The following ISLR2 variants were observed in gnomAD, a reference collection of about 807,000 sequenced individuals.
ISLR2 encodes the protein immunoglobulin superfamily containing leucine-rich repeat protein 2.
Under a neutral mutation model 25.5 loss-of-function variants are expected in ISLR2, and 16 were observed. The ratio of observed to expected loss-of-function variants is 0.63; its 90% CI spans 0.43 to 0.95. The LOEUF (loss-of-function observed/expected upper bound fraction) is 0.95, where lower values mean the gene tolerates loss of function less well. Ranked by LOEUF, ISLR2 falls within the 40% of genes least tolerant of loss-of-function variation. The probability of loss-of-function intolerance (pLI) is 0.00; values close to 1 mark genes in which losing one functional copy is unlikely to be tolerated. For missense variants in ISLR2, 883 were observed against 1,030.7 expected (o/e 0.86, Z 1.96); for synonymous variants, 508 against 486.6 (o/e 1.04, Z -0.58).
chr15:74,134,304 G>C lies in ISLR2; in HGVS notation c.1550G>C (p.Gly517Ala). 3 of 1,528,328 alleles carry C rather than the reference G, an allele frequency of 2.0e-6. No individual in the cohort carries two copies. Among genetic ancestry groups the C allele is most frequent in the Non-Finnish European group, 2.6e-6 (3 of 1,139,606 alleles). 94.7% of individuals were successfully genotyped at this position (1,528,328 alleles called of 1,614,324 possible). A position where few individuals can be genotyped will look rare whatever the true frequency, so the allele number is the denominator to read the frequency against. Residue 517 changes from glycine to alanine, a missense_variant, in exon 3 of 3, where the codon GGC (glycine) becomes GCC (alanine). By Grantham distance (60) the Gly-to-Ala change is moderately conservative. Coordinates refer to ENST00000453268, the MANE Select transcript of ISLR2 (RefSeq NM_020851.3). ...TGGGGCCCTGGGCCCGGCGGGGCTG[G>C]CGGAGCCCCGCGACCCGGGCGGCGA... Reference protein sequence around the residue: ...ARWGPGPGGAGGAPRPGRRPL... With the variant: ...ARWGPGPGGAAGAPRPGRRPL...
upstream of ISLR2, among the ~76,000 whole-genome samples, chr15:74,124,572 A>T (rs1047206283): frequency 6.6e-6 from 1 of 152,150 alleles, no homozygotes; most frequent in Non-Finnish European, 1.5e-5. Context: ...CAGCCTAGCC[A>T]ACATGGTGAA....
At chr15:74,121,106 CCCCAT>C in intron 2 of ISLR2, among the ~76,000 whole-genome samples, 1 of 152,064 alleles carries the variant, frequency 6.6e-6, no homozygotes, top group Non-Finnish European at 1.5e-5. Context: ...GTGCCTTTGT[CCCCAT>C]CTCTCCAAGC....
In ISLR2 at chr15:74,136,737, G is replaced by C. The variant is rs1051406863; in HGVS notation, c.*1745G>C. The C allele has an allele frequency of 6.0e-6, 1 of 167,150 alleles. No individual in the cohort carries two copies. The allele number at this position is 167,150 out of a possible 1,614,324, so 10.4% of individuals were successfully genotyped here. A position where few individuals can be genotyped will look rare whatever the true frequency, so the allele number is the denominator to read the frequency against. On this transcript the variant is annotated 3_prime_UTR_variant, in exon 3 of 3. Coordinates refer to ENST00000453268, the MANE Select transcript of ISLR2 (RefSeq NM_020851.3). ...ACAAGCGCGGGCCTGGGACGGAGTA[G>C]CCCCCCGGAGCCCGTGCCCTTTTCT...
downstream of ISLR2, among the ~76,000 whole-genome samples, chr15:74,138,715 G>A (rs2141969905): frequency 6.6e-6 from 1 of 152,270 alleles, no homozygotes; most frequent in South Asian, 2.1e-4. Context: ...CCCTTCTGAG[G>A]GCCACAGCCT....
chr15:74,140,465 A>G (rs2072605529), downstream of ISLR2, among the ~76,000 whole-genome samples: 1 of 152,176 alleles, frequency 6.6e-6, no homozygotes, highest in African/African-American at 2.4e-5. Flanking sequence ...GTTATGAGAC[A>G]TTCCATAGGG....
intron 2 of ISLR2, among the ~76,000 whole-genome samples, chr15:74,115,937 C>G (rs2072207052): frequency 2.0e-5 from 3 of 149,306 alleles, no homozygotes; most frequent in Middle Eastern, 3.3e-3. Flanking sequence ...GTGGCTCACA[C>G]CAGTAATCCC....
At chr15:74,127,822 G>T (rs2072318985), upstream of ISLR2, 2 of 152,306 alleles carry the variant, frequency 1.3e-5, no homozygotes, top group African/African-American at 4.8e-5. Context: ...CCGGGTTCGC[G>T]ACGTTGAAGT....
In ISLR2 at chr15:74,133,226, C is replaced by A. The variant is rs1173283343; in HGVS notation, c.472C>A (p.Arg158=). The A allele has an allele frequency of 1.9e-6, 3 of 1,612,656 alleles. No individual in the cohort carries two copies. The highest frequency in any genetic ancestry group is 2.7e-5 in the African/African-American group (2 of 74,960). Residue 158 remains arginine, a synonymous_variant, in exon 3 of 3, where the codon CGG becomes AGG. Transcript: ENST00000453268. ...GCGTTCCCTGCGCATCAACAACAAC[C>A]GGCTGCGTACGCTGGCGCCTGGCAC... ...DLRSLRINNN[R]LRTLAPGTFD... is the part of the protein sequence containing the mutation.
At chr15:74,100,375 CG>C (rs2072075149) in exon 1 of ISLR2, 1 of 1,189,542 alleles carries the variant, frequency 8.4e-7, no homozygotes, top group South Asian at 3.7e-5. Context: ...GAAATGCTGG[CG>C]TCTGCTCCTC....
intron 2 of ISLR2, among the ~76,000 whole-genome samples, chr15:74,109,155 T>C (rs1042618814): frequency 5.3e-5 from 8 of 152,218 alleles, no homozygotes; most frequent in Non-Finnish European, 8.8e-5. Context: ...TCTGACTTTT[T>C]TTCTCATGTA....
rs1409390043 is a variant in ISLR2 at position 74,102,043 on chromosome 15, G to A, written n.159+1574G>A. Among the ~76,000 whole-genome samples the A allele has an allele frequency of 9.3e-5, 14 of 150,404 alleles. 1 individual carries two copies. Among genetic ancestry groups the A allele is most frequent in the African/African-American group, 3.2e-4 (13 of 40,176 alleles). The stretch of plus-strand genomic sequence containing the variant: ...CAGTGTGGCCAACATGGCAAAACCC[G>A]TCTCTACTGTAAATAAATAAATACA... On this transcript the variant is annotated intron_variant and non_coding_transcript_variant, in intron 1 of 3. Transcript: ENST00000561975.
rs1016815405 is a variant in ISLR2, at chr15:74,134,475, C to G, written c.1721C>G (p.Ala574Gly). Residue 574 changes from alanine to glycine, a missense_variant, in exon 3 of 3, where the codon GCC (alanine) becomes GGC (glycine). Around this residue, in one of 2 missense-constraint regions of ISLR2, gnomAD observed 612 missense variants for 642.8 expected, o/e 0.95. Transcript: ENST00000453268. ...YSVCLALAGEACHVQVVFSTK... is the reference protein window; with the variant it reads ...YSVCLALAGEGCHVQVVFSTK... ...GTGTGCCTGGCGCTGGCGGGCGAAG[C>G]CTGCCACGTGCAAGTGGTGTTTTCC... is the stretch of plus-strand genomic sequence containing the variant. 1.9e-6 allele frequency: 3 copies of G among 1,611,478 alleles called. No homozygotes were observed. The highest frequency in any genetic ancestry group is 2.5e-6 in the Non-Finnish European group (3 of 1,179,594).
rs1315175575 is a variant in ISLR2 at position 74,136,662 on chromosome 15, G to T, written c.*1670G>T. On this transcript the variant is annotated 3_prime_UTR_variant, in exon 3 of 3. Transcript: ENST00000453268. ...TTTTGAAAGAAAGCGTCGGGGTTGGGGTGGGGGGAGTTTCAGTCCTCGGGA... is the reference window on the plus strand; with the variant it reads ...TTTTGAAAGAAAGCGTCGGGGTTGGTGTGGGGGGAGTTTCAGTCCTCGGGA... 1 of 165,270 alleles carries T rather than the reference G, an allele frequency of 6.1e-6. No homozygotes were observed. 10.2% of individuals were successfully genotyped at this position (165,270 alleles called of 1,614,324 possible).
downstream of ISLR2, among the ~76,000 whole-genome samples, chr15:74,139,863 AGTGTGTGTGTGTGTGT>A (rs10579764): frequency 2.3e-4 from 30 of 128,112 alleles, no homozygotes; most frequent in African/African-American, 5.3e-4. Flanking sequence ...CGGCTTGAGG[AGTGTGTGTGTGTGTGT>A]GTGTGTGTGT....
At position 74,112,505 on chromosome 15, in the gene ISLR2, A is replaced by G. The variant is rs2072175704; in HGVS notation, n.228+8591A>G. Among the ~76,000 whole-genome samples, 8 of 150,838 alleles carry G rather than the reference A, an allele frequency of 5.3e-5. No homozygotes were observed. In the South Asian group the frequency reaches 8.4e-4, roughly 16 times the overall value. On this transcript the variant is annotated intron_variant and non_coding_transcript_variant, in intron 2 of 3. Coordinates refer to the ISLR2 transcript ENST00000561975. ...TTAAAGCTCTTGCCTGCTAATTCCA[A>G]TGTGTGAGCCATTTATGGGTCTGCT...
intron 2 of ISLR2, among the ~76,000 whole-genome samples, chr15:74,110,883 C>T (rs2072160419): frequency 6.6e-6 from 1 of 152,076 alleles, no homozygotes; most frequent in Non-Finnish European, 1.5e-5. Context: ...CACTTGAATC[C>T]AGGAGGCAGA....
At chr15:74,115,694 C>CAAAT (rs1396185514) in intron 2 of ISLR2, among the ~76,000 whole-genome samples, 1 of 150,952 alleles carries the variant, frequency 6.6e-6, no homozygotes, top group Admixed American at 6.6e-5. Flanking sequence ...GACCCTGTCT[C>CAAAT]AAATAAATAA....
Position 74,133,645 on chromosome 15 carries a change from G to T in ISLR2, c.891G>T (p.Ala297=), listed in dbSNP as rs375999388. ...VLSGEDDGVG[A]EEGEGEGDGD... is the part of the protein sequence containing the mutation. ...GCGGGGAGGACGACGGGGTTGGGGC[G>T]GAGGAAGGAGAGGGAGAAGGAGATG... The change falls in exon 3 of 3, where the codon GCG becomes GCT. Residue 297 remains alanine (A), a synonymous_variant. Coordinates refer to ENST00000453268, the MANE Select transcript of ISLR2 (RefSeq NM_020851.3). 1.2e-5 allele frequency: 19 copies of T among 1,612,606 alleles called. No homozygotes were observed. Among genetic ancestry groups the T allele is most frequent in the Admixed American group, 1.7e-5 (1 of 59,798 alleles).
At chr15:74,141,123 A>G (rs1486272301), downstream of ISLR2, among the ~76,000 whole-genome samples, 3 of 152,248 alleles carry the variant, frequency 2.0e-5, no homozygotes, top group Non-Finnish European at 4.4e-5. Context: ...TAAAGACAGG[A>G]CGATTTTGAA....
Sources: gnomAD v4.1 joint callset for allele counts (sites outside exome capture counted in the v4.1 genomes callset) on GRCh38, gnomAD v4.1.1 for gene constraint, gnomAD v4.1.1 regional missense constraint, MANE v1.5 for transcripts, NCBI Gene and HGNC (gene_info 2026-07-23, HGNC 2026-07-21) for gene names.